The following TMEM260 variants were observed in gnomAD, a reference collection of about 807,000 sequenced individuals.
TMEM260 encodes the protein protein O-mannosyl-transferase TMEM260.
In TMEM260, 82 loss-of-function variants were observed where a neutral mutation model predicts 88.9. The ratio of observed to expected loss-of-function variants is 0.92; its 90% CI spans 0.77 to 1.11. The LOEUF (loss-of-function observed/expected upper bound fraction) is 1.11. Among genes scored for constraint, TMEM260 ranks in the 50% least tolerant of loss-of-function variants. The pLI is 0.00. For missense variants in TMEM260, 902 were observed against 853.4 expected, an observed-to-expected ratio of 1.06 and a Z score of -0.71; for synonymous variants, 314 against 309.3, an observed-to-expected ratio of 1.02 and a Z score of -0.16.
At chr14:56,599,443 C>A (rs1406167633) in intron 3 of TMEM260, among the ~76,000 whole-genome samples, 1 of 152,182 alleles carries the variant, frequency 6.6e-6, no homozygotes, top group Admixed American at 6.5e-5. Context: ...TTAATTGCTA[C>A]CTACAAAGCC....
chr14:56,624,458 C>G (rs1274032054), intron 11 of TMEM260, among the ~76,000 whole-genome samples: 1 of 152,204 alleles, frequency 6.6e-6, no homozygotes, highest in African/African-American at 2.4e-5. Context: ...CCTGCAATCT[C>G]AGCTACTTGG....
intron 3 of TMEM260, among the ~76,000 whole-genome samples, chr14:56,597,658 C>T (rs965277365): frequency 3.3e-5 from 5 of 151,982 alleles, no homozygotes; most frequent in East Asian, 1.9e-4. Flanking sequence ...TTGGCAATGG[C>T]GGGCATAGGA....
chr14:56,633,741 G>C (rs1480179909), intron 13 of TMEM260, among the ~76,000 whole-genome samples: 3 of 152,054 alleles, frequency 2.0e-5, no homozygotes, highest in African/African-American at 4.8e-5. Flanking sequence ...AATAGAAAAT[G>C]AGTCACTATC....
chr14:56,598,137 A>T (rs1277908403), intron 3 of TMEM260, among the ~76,000 whole-genome samples: 4 of 152,136 alleles, frequency 2.6e-5, no homozygotes, highest in African/African-American at 9.7e-5. Context: ...AAGTGACTCT[A>T]GCCACCTAGA....
At chr14:56,643,040 A>G (rs1255739727) in intron 15 of TMEM260, among the ~76,000 whole-genome samples, 1 of 152,202 alleles carries the variant, frequency 6.6e-6, no homozygotes, top group Non-Finnish European at 1.5e-5. Context: ...CAACCAAAAA[A>G]AGTCCAGGAC....
chr14:56,637,907 C>T (rs548988347), intron 15 of TMEM260, among the ~76,000 whole-genome samples: 3 of 152,048 alleles, frequency 2.0e-5, no homozygotes, highest in Non-Finnish European at 4.4e-5. Flanking sequence ...ATCAAGTCCT[C>T]AGTCACAGTT....
intron 14 of TMEM260, among the ~76,000 whole-genome samples, chr14:56,636,242 T>C (rs1452913665): frequency 6.9e-6 from 1 of 145,744 alleles, no homozygotes; most frequent in Non-Finnish European, 1.5e-5. Context: ...AACATACATT[T>C]GGAGGATGAA....
chr14:56,656,325 G>A, the TMEM260 span, among the ~76,000 whole-genome samples: 3 of 152,092 alleles, frequency 2.0e-5, no homozygotes, highest in South Asian at 4.1e-4. Context: ...AGGCTGAGGC[G>A]AGAGGATCGC....
In TMEM260 at chr14:56,579,827, A is replaced by G. The variant is rs956348161; in HGVS notation, c.-88A>G. ...CGGAAGCCGCCGTGGCCGCCGCACA[A>G]GCTGCGCTCGTCTCTCGGCTGGGGA... On this transcript the variant is annotated 5_prime_UTR_variant, in exon 1 of 16. Transcript: ENST00000261556. 12 of 1,182,660 alleles carry G rather than the reference A, an allele frequency of 1.0e-5. No individual in the cohort carries two copies. Among genetic ancestry groups the G allele is most frequent in the Non-Finnish European group, 1.3e-5 (12 of 944,154 alleles). 73.3% of individuals were successfully genotyped at this position (1,182,660 alleles called of 1,614,324 possible).
chr14:56,583,349 G>A (rs1278423713), intron 1 of TMEM260, among the ~76,000 whole-genome samples: 1 of 152,044 alleles, frequency 6.6e-6, no homozygotes, highest in African/African-American at 2.4e-5. Context: ...TTAAGTAATT[G>A]ACTTAATCTG....
At chr14:56,589,882 A>G (rs907061425) in intron 3 of TMEM260, among the ~76,000 whole-genome samples, 1 of 152,200 alleles carries the variant, frequency 6.6e-6, no homozygotes, top group South Asian at 2.1e-4. Flanking sequence ...ATAGAAAATT[A>G]AAATACCATA....
intron 14 of TMEM260, 69 bp downstream of exon 14, chr14:56,635,021 T>C: frequency 1.4e-6 from 2 of 1,419,568 alleles, no homozygotes; most frequent in Non-Finnish European, 2.0e-6. Context: ...TATGGCACTT[T>C]TAATTTTGAG....
intron 11 of TMEM260, among the ~76,000 whole-genome samples, chr14:56,625,051 C>T (rs1888159890): frequency 6.6e-6 from 1 of 152,170 alleles, no homozygotes; most frequent in South Asian, 2.1e-4. Context: ...GGAGGCAGAG[C>T]ACAGCAGTAA....
At chr14:56,653,462 G>A (rs946666438), downstream of TMEM260, among the ~76,000 whole-genome samples, 9 of 152,046 alleles carry the variant, frequency 5.9e-5, no homozygotes, top group African/African-American at 1.9e-4. Flanking sequence ...GGCCAGGCAC[G>A]GTGGCTCACA....
chr14:56,621,068 A>T (rs1887886438), intron 10 of TMEM260, among the ~76,000 whole-genome samples: 1 of 152,178 alleles, frequency 6.6e-6, no homozygotes, highest in Non-Finnish European at 1.5e-5. Context: ...AGTGGAAAGG[A>T]TCAACCTCTG....
chr14:56,618,595 T>C lies in TMEM260; in HGVS notation c.1058T>C (p.Val353Ala). The C allele has an allele frequency of 6.2e-7, 1 of 1,613,616 alleles. No individual in the cohort carries two copies. The highest frequency in any genetic ancestry group is 1.3e-5 in the African/African-American group (1 of 74,996). ...DISKPLFMGV[V>A]ERFWMQSNAV... ...ACTGGTTGCATGTCTCTTTCACAGG[T>C]GGAACGATTCTGGATGCAGAGCAAT... Residue 353 changes from valine to alanine, a missense_variant and splice_region_variant, in exon 10 of 16, where the codon GTG becomes GCG. Physicochemically the swap from Val to Ala is moderately conservative, Grantham distance 64. Transcript: ENST00000261556.
rs769387023 is a variant in TMEM260, at chr14:56,615,915, C to T, written c.858-29C>T. 51 of 1,512,788 alleles carry T rather than the reference C, an allele frequency of 3.4e-5. No individual in the cohort carries two copies. In the East Asian group the frequency reaches 9.7e-4, roughly 29 times the overall value. The allele number at this position is 1,512,788 out of a possible 1,614,324, so 93.7% of individuals were successfully genotyped here. ...TGGAATCAATCAAATTTGTTTCCTG[C>T]CAACAATAAGTTAGATTGTTTTTTG... On this transcript the variant is annotated intron_variant, in intron 7 of 15. Transcript: ENST00000261556.
chr14:56,651,824 T>C (rs1228821669), downstream of TMEM260, among the ~76,000 whole-genome samples: 1 of 152,198 alleles, frequency 6.6e-6, no homozygotes, highest in African/African-American at 2.4e-5. Context: ...GTACAATAGA[T>C]GGAAATGGCA....
At chr14:56,589,152 G>A (rs187736139) in intron 3 of TMEM260, among the ~76,000 whole-genome samples, 167 of 151,976 alleles carry the variant, frequency 1.1e-3, no homozygotes, top group African/African-American at 3.7e-3. Flanking sequence ...CATATGTTCC[G>A]GTATCACTAA....
Sources: gnomAD v4.1 joint callset for allele counts (sites outside exome capture counted in the v4.1 genomes callset) on GRCh38, gnomAD v4.1.1 for gene constraint, MANE v1.5 for transcripts, NCBI Gene and HGNC (gene_info 2026-07-23, HGNC 2026-07-21) for gene names.